Variants in DAGLA observed in about 807,000 individuals in gnomAD.
DAGLA encodes diacylglycerol lipase alpha.
In DAGLA, 22 loss-of-function variants were observed where a neutral mutation model predicts 102.6. The observed-to-expected ratio is 0.21, with a 90% confidence interval of 0.15 to 0.31. The LOEUF (loss-of-function observed/expected upper bound fraction) is 0.31. Among genes scored for constraint, DAGLA ranks in the 10% least tolerant of loss-of-function variants. DAGLA has a pLI of 1.00. For missense variants in DAGLA, 927 were observed against 1,446.6 expected, an observed-to-expected ratio of 0.64 and a Z score of 5.83; for synonymous variants, 578 against 628.9, an observed-to-expected ratio of 0.92 and a Z score of 1.21.
intron 1 of DAGLA, among the ~76,000 whole-genome samples, chr11:61,708,300 G>A (rs1380001209): frequency 6.6e-6 from 1 of 151,952 alleles, no homozygotes; most frequent in South Asian, 2.1e-4. Context: ...GAGCCACCGC[G>A]CCCGACTTGG....
chr11:61,728,267 C>T lies in DAGLA; in HGVS notation c.751C>T (p.Arg251Cys), dbSNP rs778746554. Residue 251 changes from arginine (R) to cysteine (C), a missense_variant, in exon 7 of 20, where the codon CGC becomes TGC. Transcript: ENST00000257215. Reference sequence around the variant, plus strand: ...GCTCCGGCAGCGGCAGCGGGCCAAGCGCAACGCCGTGCTGGACGAGGTGAG... The same window carrying T: ...GCTCCGGCAGCGGCAGCGGGCCAAGTGCAACGCCGTGCTGGACGAGGTGAG... Reference protein sequence around the residue: ...VLLRQRQRAKRNAVLDEANND... With the variant: ...VLLRQRQRAKCNAVLDEANND... 4 of 1,612,654 alleles carry T rather than the reference C, an allele frequency of 2.5e-6. No individual in the cohort carries two copies. Among genetic ancestry groups the T allele is most frequent in the African/African-American group, 1.3e-5 (1 of 74,940 alleles).
chr11:61,743,885 C>T lies in DAGLA; in HGVS notation c.2525C>T (p.Ala842Val), dbSNP rs773848432. The change falls in exon 20 of 20, where the codon GCG becomes GTG. Residue 842 changes from alanine (A) to valine (V), a missense_variant. Around this residue, in one of 4 missense-constraint regions of DAGLA, gnomAD observed 434 missense variants for 503.3 expected, o/e 0.86. Transcript: ENST00000257215. ...CTGAGCTCGCGCACTGAGCTGCTGG[C>T]GGCCGACAGCCTGTCCAAGCACTCA... ...PSLSSRTELL[A>V]ADSLSKHSQD... is the part of the protein sequence containing the mutation. The T allele has an allele frequency of 2.2e-5, 36 of 1,612,206 alleles. No individual in the cohort carries two copies. The highest frequency in any genetic ancestry group is 3.3e-5 in the South Asian group (3 of 91,084).
intron 7 of DAGLA, 103 bp from the exon 8 acceptor site, chr11:61,728,828 G>C: frequency 1.0e-6 from 1 of 980,988 alleles, no homozygotes; most frequent in Non-Finnish European, 1.6e-6. Context: ...TGGGCTTCTC[G>C]GCCTTTGGGA....
At chr11:61,722,807 C>G (rs2065295295) in intron 3 of DAGLA, 52 bp from the exon 4 acceptor site, 1 of 1,492,930 alleles carries the variant, frequency 6.7e-7, no homozygotes, top group Non-Finnish European at 9.3e-7. Context: ...CTAGGCCCTT[C>G]CCTGGCATGC....
chr11:61,699,451 T>G (rs2065091626), intron 1 of DAGLA, among the ~76,000 whole-genome samples: 1 of 152,158 alleles, frequency 6.6e-6, no homozygotes. Context: ...CCAGACCCTC[T>G]TCTGTGCCAA....
intron 1 of DAGLA, among the ~76,000 whole-genome samples, chr11:61,719,826 A>C (rs1356918677): frequency 6.6e-6 from 1 of 152,076 alleles, no homozygotes; most frequent in African/African-American, 2.4e-5. Flanking sequence ...AATAGAGCTC[A>C]ACAGTGACTG....
At chr11:61,711,146 G>A (rs973506212) in intron 1 of DAGLA, among the ~76,000 whole-genome samples, 1 of 152,172 alleles carries the variant, frequency 6.6e-6, no homozygotes, top group South Asian at 2.1e-4. Flanking sequence ...ACCGGGGCAG[G>A]TAGAAAGGAC....
intron 1 of DAGLA, among the ~76,000 whole-genome samples, chr11:61,703,982 T>C (rs1004972656): frequency 6.6e-5 from 10 of 152,212 alleles, no homozygotes; most frequent in Non-Finnish European, 1.0e-4. Context: ...GGGAGCAGAC[T>C]GAGTGGGGAA....
At chr11:61,741,029 G>A in intron 18 of DAGLA, 133 bp from the exon 19 acceptor site, 1 of 812,324 alleles carries the variant, frequency 1.2e-6, no homozygotes, top group Non-Finnish European at 1.9e-6. Context: ...ACCTCAGGAG[G>A]AGGAGAGTGG....
chr11:61,732,432 C>T lies in DAGLA; in HGVS notation c.974+991C>T, dbSNP rs1235790301. Among the ~76,000 whole-genome samples, 7 of 152,322 alleles carry T rather than the reference C, an allele frequency of 4.6e-5. No homozygotes were observed. The East Asian group carries it at 1.4e-3, about 29-fold the overall frequency. On this transcript the variant is annotated intron_variant, in intron 9 of 19. Transcript: ENST00000257215. Reference sequence around the variant, plus strand: ...TTCTTGCCTGCATCCCTGGGAGTCCCAGCTGTGGCAGAGAACTCTTCAAAA... The same window carrying T: ...TTCTTGCCTGCATCCCTGGGAGTCCTAGCTGTGGCAGAGAACTCTTCAAAA...
rs1457056247 is a variant in DAGLA, at chr11:61,728,805, C to T, written c.772-126C>T. The T allele has an allele frequency of 2.3e-5, 17 of 742,396 alleles. No individual in the cohort carries two copies. In the Admixed American group the frequency reaches 4.0e-4, roughly 17 times the overall value. The allele number at this position is 742,396 out of a possible 1,614,324, so 46.0% of individuals were successfully genotyped here. ...GGCTGAATCTTGGAAGAACTAGAAG[C>T]TGCATGCTCGTTTGGGCTTCTCGGC... On this transcript the variant is annotated intron_variant, in intron 7 of 19. Transcript: ENST00000257215.
chr11:61,716,537 C>T (rs2065236816), intron 1 of DAGLA, among the ~76,000 whole-genome samples: 1 of 8,232 alleles, frequency 1.2e-4, no homozygotes, highest in Non-Finnish European at 6.8e-3. Flanking sequence ...AGAGCCTCTC[C>T]AGCCAGAGGA....
rs10664991 is a variant in DAGLA, at chr11:61,703,678, A to AATGGATGGATGGATGG, written c.-44-16410_-44-16395dup. Among the ~76,000 whole-genome samples the AATGGATGGATGGATGG allele has an allele frequency of 5.3e-4, 80 of 149,574 alleles. 1 individual carries two copies. Among genetic ancestry groups the AATGGATGGATGGATGG allele is most frequent in the African/African-American group, 1.3e-3 (51 of 40,478 alleles). On this transcript the variant is annotated intron_variant, in intron 1 of 19. Coordinates refer to ENST00000257215, the MANE Select transcript of DAGLA (RefSeq NM_006133.3). Reference sequence around the variant, plus strand: ...TGAGTGGGTAGATGGAGGATGGAGGAATGGATGGATGGATGGATGGATGGA... The same window carrying AATGGATGGATGGATGG: ...TGAGTGGGTAGATGGAGGATGGAGGAATGGATGGATGGATGGATGGATGGATGGATGGATGGATGGA...
intron 1 of DAGLA, among the ~76,000 whole-genome samples, chr11:61,704,998 C>T (rs377200006): frequency 2.0e-5 from 3 of 152,172 alleles, no homozygotes; most frequent in Non-Finnish European, 2.9e-5. Flanking sequence ...CTGCCGTGCC[C>T]GGGCTCGCCT....
Position 61,743,739 on chromosome 11 carries a change from C to A in DAGLA, c.2379C>A (p.Asp793Glu), listed in dbSNP as rs927741709. ...LSDTESLYSFDSRRSSGFRSI... is the reference protein window; with the variant it reads ...LSDTESLYSFESRRSSGFRSI... ...ACACTGAGTCCCTGTACAGCTTCGA[C>A]TCGCGCCGCTCCTCAGGCTTCCGCA... Residue 793 changes from aspartate (D) to glutamate (E), a missense_variant, in exon 20 of 20, where the codon GAC (aspartate) becomes GAA (glutamate). Asp to Glu is a conservative substitution (Grantham distance 45). Coordinates refer to ENST00000257215, the MANE Select transcript of DAGLA (RefSeq NM_006133.3). 6.2e-7 allele frequency: 1 copy of A among 1,611,828 alleles called. No homozygotes were observed. The highest frequency in any genetic ancestry group is 1.3e-5 in the African/African-American group (1 of 74,930).
chr11:61,737,144 C>T (rs756440542), intron 13 of DAGLA, 38 bp from the exon 14 acceptor site: 1 of 1,612,086 alleles, frequency 6.2e-7, no homozygotes. Flanking sequence ...GCTTGGCGGG[C>T]ATTGGGGCAG....
intron 1 of DAGLA, among the ~76,000 whole-genome samples, chr11:61,702,177 A>G (rs1591030162): frequency 6.6e-6 from 1 of 152,282 alleles, no homozygotes; most frequent in South Asian, 2.1e-4. Context: ...TTGGGATTAC[A>G]GGTGTGAGCC....
chr11:61,714,997 T>C (rs982016540), intron 1 of DAGLA, among the ~76,000 whole-genome samples: 1 of 152,202 alleles, frequency 6.6e-6, no homozygotes, highest in African/African-American at 2.4e-5. Flanking sequence ...TTAACCCTCC[T>C]GATAATTCGG....
intron 1 of DAGLA, among the ~76,000 whole-genome samples, chr11:61,706,850 G>A (rs1335261491): frequency 1.3e-5 from 2 of 152,258 alleles, no homozygotes; most frequent in Non-Finnish European, 2.9e-5. Flanking sequence ...CTGCCTGGCA[G>A]GAGCCTTGGC....
Sources: gnomAD v4.1 joint callset for allele counts (sites outside exome capture counted in the v4.1 genomes callset) on GRCh38, gnomAD v4.1.1 for gene constraint, gnomAD v4.1.1 regional missense constraint, MANE v1.5 for transcripts, NCBI Gene and HGNC (gene_info 2026-07-23, HGNC 2026-07-21) for gene names.